The following SLC4A8 variants were observed in gnomAD, a reference collection of about 807,000 sequenced individuals.
SLC4A8 encodes the protein solute carrier family 4 member 8.
In SLC4A8, 40 loss-of-function variants were observed where a neutral mutation model predicts 125.0. The ratio of observed to expected loss-of-function variants is 0.32; its 90% CI spans 0.25 to 0.42. The LOEUF (loss-of-function observed/expected upper bound fraction) is 0.42, where lower values mean the gene tolerates loss of function less well. Ranked by LOEUF, SLC4A8 falls within the 10% of genes least tolerant of loss-of-function variation. The pLI is 1.00. For synonymous variants in SLC4A8, 456 were observed against 476.0 expected, an observed-to-expected ratio of 0.96 and a Z score of 0.55; for missense variants, 863 against 1,355.1, an observed-to-expected ratio of 0.64 and a Z score of 5.70.
chr12:51,431,118 C>G (rs1263057202), intron 1 of SLC4A8, among the ~76,000 whole-genome samples: 1 of 152,160 alleles, frequency 6.6e-6, no homozygotes, highest in African/African-American at 2.4e-5. Flanking sequence ...TAGTTCCCTT[C>G]CTCCATCTCC....
intron 7 of SLC4A8, among the ~76,000 whole-genome samples, chr12:51,459,114 C>T (rs980299060): frequency 6.6e-5 from 10 of 152,188 alleles, no homozygotes; most frequent in African/African-American, 2.4e-4. Context: ...CTCACTGCAG[C>T]TTATGGTCCA....
intron 2 of SLC4A8, among the ~76,000 whole-genome samples, chr12:51,443,642 C>T (rs769882575): frequency 6.6e-6 from 1 of 152,056 alleles, no homozygotes; most frequent in Non-Finnish European, 1.5e-5. Context: ...GAGTTTAAGG[C>T]CTTCTAATAC....
chr12:51,463,410 GGT>G (rs71731491), intron 10 of SLC4A8, among the ~76,000 whole-genome samples: 14,552 of 143,882 alleles, frequency 0.1, 826 homozygotes, highest in South Asian at 0.24. Context: ...GAAATTATGG[GGT>G]GTGTGTGTGT....
At position 51,470,483 on chromosome 12, in the gene SLC4A8, G is replaced by GACC; in HGVS notation, c.1618_1620dup (p.Pro540dup). The GACC allele has an allele frequency of 6.2e-7, 1 of 1,613,820 alleles. No individual in the cohort carries two copies. Among genetic ancestry groups the GACC allele is most frequent in the Non-Finnish European group, 8.5e-7 (1 of 1,179,712 alleles). ...GCTCTCACCATCCTGGGAAGTACTG[G>GACC]ACCAGTGCTTGTGTTTGAAAAGATT... On this transcript the variant is annotated inframe_insertion, in exon 13 of 25. Coordinates refer to ENST00000453097, the MANE Select transcript of SLC4A8 (RefSeq NM_001039960.3).
At chr12:51,444,391 G>A (rs1271628060) in intron 2 of SLC4A8, among the ~76,000 whole-genome samples, 1 of 152,062 alleles carries the variant, frequency 6.6e-6, no homozygotes, top group Non-Finnish European at 1.5e-5. Context: ...ACCCCCTGCC[G>A]AACTTGATTT....
At chr12:51,492,115 C>G (rs560390003) in intron 19 of SLC4A8, among the ~76,000 whole-genome samples, 2 of 151,864 alleles carry the variant, frequency 1.3e-5, no homozygotes, top group Non-Finnish European at 2.9e-5. Context: ...GTTTTTGGTA[C>G]AGATAGAGGA....
intron 1 of SLC4A8, among the ~76,000 whole-genome samples, chr12:51,394,634 C>T (rs369761991): frequency 2.6e-5 from 4 of 152,132 alleles, no homozygotes; most frequent in Admixed American, 6.5e-5. Flanking sequence ...CCTGATACAG[C>T]GAGACCCTGT....
intron 1 of SLC4A8, among the ~76,000 whole-genome samples, chr12:51,427,796 G>A (rs1210946521): frequency 1.3e-5 from 2 of 152,178 alleles, no homozygotes; most frequent in African/African-American, 4.8e-5. Flanking sequence ...TACTGTCCTA[G>A]CCTTCTAACA....
At chr12:51,461,075 T>TC in intron 8 of SLC4A8, 129 bp from the exon 9 acceptor site, 1 of 437,014 alleles carries the variant, frequency 2.3e-6, no homozygotes, top group Non-Finnish European at 4.1e-6. Flanking sequence ...ACTGTCTTCT[T>TC]TTTTTTTTTT....
intron 1 of SLC4A8, among the ~76,000 whole-genome samples, chr12:51,400,801 CATATATAA>C (rs1948374139): frequency 4.2e-5 from 3 of 71,118 alleles, no homozygotes; most frequent in African/African-American, 1.8e-4. Context: ...CACACACACA[CATATATAA>C]ACATATATGT....
At chr12:51,465,175 T>A (rs1950474908) in intron 11 of SLC4A8, among the ~76,000 whole-genome samples, 2 of 152,118 alleles carry the variant, frequency 1.3e-5, no homozygotes, top group Admixed American at 1.3e-4. Flanking sequence ...AGGTGGTAAT[T>A]TTTTTCAGGA....
At chr12:51,393,298 T>A (rs1948195855) in intron 1 of SLC4A8, among the ~76,000 whole-genome samples, 1 of 152,154 alleles carries the variant, frequency 6.6e-6, no homozygotes, top group African/African-American at 2.4e-5. Flanking sequence ...TTTCGCCATG[T>A]TGCCCAGGTT....
At chr12:51,460,242 C>G in intron 8 of SLC4A8, 134 bp downstream of exon 8, 1 of 794,938 alleles carries the variant, frequency 1.3e-6, no homozygotes, top group Non-Finnish European at 2.1e-6. Flanking sequence ...AGCAGAAAAG[C>G]CAGATGTGCT....
chr12:51,445,315 T>C (rs1949739330), intron 2 of SLC4A8, among the ~76,000 whole-genome samples: 1 of 152,094 alleles, frequency 6.6e-6, no homozygotes, highest in African/African-American at 2.4e-5. Flanking sequence ...ACTACAGGCA[T>C]GCACCACCAT....
intron 22 of SLC4A8, among the ~76,000 whole-genome samples, chr12:51,499,624 TACACACACACACACACAC>T (rs143239328): frequency 6.3e-5 from 9 of 143,344 alleles, no homozygotes; most frequent in African/African-American, 2.3e-4. Context: ...GCTATAATTC[TACACACACACACACACAC>T]ACACACACAC....
chr12:51,425,467 A>C, intron 1 of SLC4A8: 1 of 985,692 alleles, frequency 1.0e-6, no homozygotes, highest in Non-Finnish European at 1.2e-6. Context: ...CTGGTTCCTC[A>C]GTGGTTCAGA....
chr12:51,452,331 G>T (rs550931077), intron 4 of SLC4A8, 72 bp downstream of exon 4: 46 of 1,520,168 alleles, frequency 3.0e-5, no homozygotes, highest in Non-Finnish European at 3.7e-5. Flanking sequence ...CAAGTGACAG[G>T]CCTGCCTGCC....
chr12:51,455,479 A>T (rs1049461431), intron 5 of SLC4A8, among the ~76,000 whole-genome samples: 1 of 152,220 alleles, frequency 6.6e-6, no homozygotes, highest in Non-Finnish European at 1.5e-5. Flanking sequence ...CATCTAGGGC[A>T]GATATTCAGG....
intron 6 of SLC4A8, 41 bp from the exon 7 acceptor site, chr12:51,458,518 A>G: frequency 1.4e-6 from 2 of 1,415,682 alleles, no homozygotes; most frequent in Non-Finnish European, 2.0e-6. Flanking sequence ...GAAGGGGAAA[A>G]GGGCAGGGAC....
Sources: gnomAD v4.1 joint callset for allele counts (sites outside exome capture counted in the v4.1 genomes callset) on GRCh38, gnomAD v4.1.1 for gene constraint, MANE v1.5 for transcripts, NCBI Gene and HGNC (gene_info 2026-07-23, HGNC 2026-07-21) for gene names.